The following FSIP1 variants were observed in gnomAD, a reference collection of about 807,000 sequenced individuals.
The protein encoded by FSIP1 is fibrous sheath interacting protein 1.
In FSIP1, 65 loss-of-function variants were observed where a neutral mutation model predicts 60.9. The ratio of observed to expected loss-of-function variants is 1.07; its 90% confidence interval spans 0.87 to 1.31. FSIP1 has a LOEUF of 1.31. Ranked by LOEUF, FSIP1 falls within the 40% of genes most tolerant of loss-of-function variation. FSIP1 has a pLI of 0.00. For missense variants in FSIP1, 675 were observed against 665.5 expected, an observed-to-expected ratio of 1.01 and a Z score of -0.16; for synonymous variants, 209 against 221.2, an observed-to-expected ratio of 0.94 and a Z score of 0.49.
chr15:39,668,203 CA>C (rs5812129), intron 10 of FSIP1, among the ~76,000 whole-genome samples: 102,218 of 135,142 alleles, frequency 0.76, 38,559 homozygotes, highest in Non-Finnish European at 0.85. Flanking sequence ...ATTAAATTTC[CA>C]AAAAAAAAAA....
At chr15:39,716,126 G>A (rs546676147) in intron 9 of FSIP1, among the ~76,000 whole-genome samples, 1 of 152,252 alleles carries the variant, frequency 6.6e-6, no homozygotes, top group Non-Finnish European at 1.5e-5. Context: ...GAAATCTAAT[G>A]TTAGGGGGAA....
At chr15:39,752,718 T>C (rs1897200180) in intron 5 of FSIP1, among the ~76,000 whole-genome samples, 1 of 151,962 alleles carries the variant, frequency 6.6e-6, no homozygotes, top group Admixed American at 6.6e-5. Flanking sequence ...TTAAATGGAA[T>C]GTGGCATCCT....
At chr15:39,625,454 C>G (rs1891601165) in intron 10 of FSIP1, among the ~76,000 whole-genome samples, 1 of 152,194 alleles carries the variant, frequency 6.6e-6, no homozygotes, top group South Asian at 2.1e-4. Flanking sequence ...GAGAGCCAGA[C>G]TGTGCTTTCT....
chr15:39,672,536 T>C (rs1418995819), intron 10 of FSIP1, among the ~76,000 whole-genome samples: 3 of 152,224 alleles, frequency 2.0e-5, no homozygotes, highest in African/African-American at 7.2e-5. Flanking sequence ...AATTGGCACC[T>C]TGAGTACACT....
intron 10 of FSIP1, among the ~76,000 whole-genome samples, chr15:39,677,022 G>C (rs1306944155): frequency 6.6e-6 from 1 of 152,184 alleles, no homozygotes; most frequent in Non-Finnish European, 1.5e-5. Flanking sequence ...GTGGCAGAAA[G>C]TATCAAGACA....
intron 3 of FSIP1, among the ~76,000 whole-genome samples, chr15:39,767,949 A>AAGGCAG: frequency 6.6e-6 from 1 of 152,324 alleles, no homozygotes; most frequent in Middle Eastern, 3.4e-3. Context: ...CCCTTGTCAT[A>AAGGCAG]AGGCAGAGGG....
At chr15:39,665,303 A>T (rs963737956) in intron 10 of FSIP1, among the ~76,000 whole-genome samples, 2 of 152,216 alleles carry the variant, frequency 1.3e-5, no homozygotes, top group African/African-American at 4.8e-5. Context: ...TCCTAAATCA[A>T]TGCCTGAATG....
intron 5 of FSIP1, among the ~76,000 whole-genome samples, chr15:39,755,846 A>G (rs1897284623): frequency 6.6e-6 from 1 of 152,118 alleles, no homozygotes; most frequent in African/African-American, 2.4e-5. Flanking sequence ...AAAAAGAATA[A>G]CCTCTATCAA....
Position 39,762,818 on chromosome 15 carries a change from T to C in FSIP1, c.559+1003A>G, listed in dbSNP as rs536579105. 3.3e-5 allele frequency among the ~76,000 whole-genome samples: 5 copies of C among 152,260 alleles called. No individual in the cohort carries two copies. In the South Asian group the frequency reaches 1.0e-3, roughly 32 times the overall value. ...ATGGGAGGGAAACATGGACTCCATC[T>C]CTAAATGAGGAGGAGAATGAACACA... On this transcript the variant is annotated intron_variant, in intron 5 of 11. Transcript: ENST00000350221.
At chr15:39,758,735 A>C (rs1427024761) in intron 5 of FSIP1, among the ~76,000 whole-genome samples, 2 of 152,128 alleles carry the variant, frequency 1.3e-5, no homozygotes, top group Non-Finnish European at 2.9e-5. Context: ...TAAACTCAGA[A>C]AAAAAATAGG....
intron 10 of FSIP1, among the ~76,000 whole-genome samples, chr15:39,690,152 G>A (rs758221700): frequency 8.5e-5 from 13 of 152,340 alleles, no homozygotes; most frequent in Admixed American, 1.3e-4. Flanking sequence ...TGGTGGGCAC[G>A]CTGGGTGGAC....
At chr15:39,719,592 G>A (rs555367109) in intron 9 of FSIP1, among the ~76,000 whole-genome samples, 3 of 152,334 alleles carry the variant, frequency 2.0e-5, no homozygotes, top group African/African-American at 7.2e-5. Context: ...TAAGGCATGC[G>A]TTAGGATTGG....
chr15:39,634,885 T>G, intron 10 of FSIP1, among the ~76,000 whole-genome samples: 1 of 152,076 alleles, frequency 6.6e-6, no homozygotes, highest in East Asian at 1.9e-4. Context: ...CACAATATAT[T>G]GGACTAACAT....
chr15:39,714,817 T>TAA (rs557845682), intron 9 of FSIP1, among the ~76,000 whole-genome samples: 1 of 147,546 alleles, frequency 6.8e-6, no homozygotes, highest in Non-Finnish European at 1.5e-5. Flanking sequence ...AAATAAAAAA[T>TAA]AAAAAAATAA....
rs183870040 is a variant in FSIP1 at position 39,693,718 on chromosome 15, T to C, written c.1188+19726A>G. ...AAACTGCTTTCAGGTATCATCTAACTGAGGAGTTGTAATCAAATAATAGTG... is the reference window on the plus strand; with the variant it reads ...AAACTGCTTTCAGGTATCATCTAACCGAGGAGTTGTAATCAAATAATAGTG... On this transcript the variant is annotated intron_variant, in intron 10 of 11. Transcript: ENST00000350221. Among the ~76,000 whole-genome samples the C allele has an allele frequency of 2.8e-3, 419 of 152,300 alleles. 3 individuals are homozygous for C. Among genetic ancestry groups the C allele is most frequent in the Non-Finnish European group, 4.5e-3 (305 of 68,020 alleles).
chr15:39,741,419 C>T (rs1896797394), intron 6 of FSIP1, among the ~76,000 whole-genome samples: 1 of 152,234 alleles, frequency 6.6e-6, no homozygotes, highest in Non-Finnish European at 1.5e-5. Context: ...CTGGATCACT[C>T]AGGCTCTTCT....
chr15:39,767,767 G>A (rs1020448533), intron 3 of FSIP1, among the ~76,000 whole-genome samples: 3 of 152,154 alleles, frequency 2.0e-5, no homozygotes, highest in African/African-American at 4.8e-5. Context: ...TGGGCAGCCT[G>A]ACTCCAGGGG....
intron 8 of FSIP1, among the ~76,000 whole-genome samples, chr15:39,737,861 TC>T (rs1896665802): frequency 1.3e-5 from 2 of 152,082 alleles, no homozygotes; most frequent in Admixed American, 1.3e-4. Flanking sequence ...TGTGTGTCGC[TC>T]CCCTCTATGA....
chr15:39,598,613 C>T (rs1304389354), downstream of FSIP1: 2 of 152,194 alleles, frequency 1.3e-5, no homozygotes, highest in Non-Finnish European at 2.9e-5. Flanking sequence ...TTCTTCCAGG[C>T]ATGTTCCAGT....
Sources: gnomAD v4.1 joint callset for allele counts (sites outside exome capture counted in the v4.1 genomes callset) on GRCh38, gnomAD v4.1.1 for gene constraint, MANE v1.5 for transcripts, NCBI Gene and HGNC (gene_info 2026-07-23, HGNC 2026-07-21) for gene names.